ABLIM1: variants seen among roughly 807,000 people sequenced by gnomAD.
ABLIM1 encodes actin binding LIM protein 1, also known as actin-binding LIM protein 1.
A neutral mutation model predicts 107.0 loss-of-function variants in ABLIM1; 40 were observed. That is an observed-to-expected ratio of 0.37 (90% confidence interval 0.29 to 0.49). ABLIM1 has a LOEUF of 0.49. Ranked by LOEUF, ABLIM1 falls within the 20% of genes least tolerant of loss-of-function variation. ABLIM1 has a pLI of 0.97. For synonymous variants in ABLIM1, 357 were observed against 357.3 expected, an observed-to-expected ratio of 1.00 and a Z score of 0.01; for missense variants, 857 against 1,008.5, an observed-to-expected ratio of 0.85 and a Z score of 2.04.
intron 3 of ABLIM1, among the ~76,000 whole-genome samples, chr10:114,575,210 C>T (rs2072341735): frequency 6.6e-6 from 1 of 152,186 alleles, no homozygotes; most frequent in African/African-American, 2.4e-5. Context: ...AAAAATCAGT[C>T]ATATTACTTT....
chr10:114,573,514 A>T (rs2072014585), intron 3 of ABLIM1, among the ~76,000 whole-genome samples: 2 of 152,134 alleles, frequency 1.3e-5, no homozygotes, highest in South Asian at 4.1e-4. Context: ...CAAAGCAATG[A>T]CCTCTCAGGG....
intron 2 of ABLIM1, among the ~76,000 whole-genome samples, chr10:114,576,384 G>T (rs372065097): frequency 2.0e-5 from 3 of 152,290 alleles, no homozygotes; most frequent in East Asian, 3.9e-4. Context: ...ATCTCTCTCT[G>T]CCAAATGGCT....
intron 1 of ABLIM1, among the ~76,000 whole-genome samples, chr10:114,626,770 A>G (rs928098613): frequency 2.0e-5 from 3 of 152,180 alleles, no homozygotes; most frequent in Middle Eastern, 3.2e-3. Context: ...GGGTCTTTAC[A>G]GTGGTGACCA....
Position 114,658,249 on chromosome 10 carries a change from G to A in ABLIM1, c.-49C>T, listed in dbSNP as rs74530378. 5.5e-4 allele frequency: 862 copies of A among 1,564,028 alleles called. 10 individuals are homozygous for A. In the East Asian group the frequency reaches 0.017, roughly 30 times the overall value. On this transcript the variant is annotated 5_prime_UTR_variant, in exon 1 of 23. Transcript: ENST00000533213. ...GAGAAATGGGGAGTGGGGACCCAAG[G>A]AGCGGTGCTGCCCCACAATTCTCTC...
At chr10:114,598,761 AAATT>A (rs1243169156) in intron 2 of ABLIM1, among the ~76,000 whole-genome samples, 1 of 152,218 alleles carries the variant, frequency 6.6e-6, no homozygotes, top group Non-Finnish European at 1.5e-5. Context: ...ATTTTAATGA[AAATT>A]AACTACACCT....
chr10:114,739,200 G>C (rs2082241316), intron 1 of ABLIM1, among the ~76,000 whole-genome samples: 1 of 152,166 alleles, frequency 6.6e-6, no homozygotes, highest in Non-Finnish European at 1.5e-5. Context: ...TTACAAATTA[G>C]TCTACAGACA....
At chr10:114,575,699 A>G (rs202060713) in intron 2 of ABLIM1, 100 bp from the exon 3 acceptor site, 68 of 837,436 alleles carry the variant, frequency 8.1e-5, no homozygotes, top group Non-Finnish European at 9.6e-5. Context: ...TGTGATCTCA[A>G]TGGTTTGGGG....
upstream of ABLIM1, among the ~76,000 whole-genome samples, chr10:114,769,809 G>A (rs2083001330): frequency 6.6e-6 from 1 of 152,050 alleles, no homozygotes. Flanking sequence ...GATTTGTAAT[G>A]GGAATAGAAA....
chr10:114,789,370 C>T, the ABLIM1 span, among the ~76,000 whole-genome samples: 1 of 152,222 alleles, frequency 6.6e-6, no homozygotes, highest in African/African-American at 2.4e-5. Flanking sequence ...GTCCAAGCAT[C>T]TTAATAGGCA....
intron 1 of ABLIM1, among the ~76,000 whole-genome samples, chr10:114,675,192 G>A (rs2080427844): frequency 6.6e-6 from 1 of 151,988 alleles, no homozygotes; most frequent in Non-Finnish European, 1.5e-5. Flanking sequence ...CCATGTTGAT[G>A]ACTCCCAAGC....
chr10:114,481,943 C>T (rs568020852), intron 8 of ABLIM1, among the ~76,000 whole-genome samples: 53 of 152,220 alleles, frequency 3.5e-4, no homozygotes, highest in African/African-American at 1.2e-3. Context: ...GGTATTTGTT[C>T]GGTATATTAT....
chr10:114,658,034 G>A lies in ABLIM1; in HGVS notation c.167C>T (p.Thr56Ile). 1 of 1,614,204 alleles carries A rather than the reference G, an allele frequency of 6.2e-7. No individual in the cohort carries two copies. Among genetic ancestry groups the A allele is most frequent in the Non-Finnish European group, 8.5e-7 (1 of 1,180,030 alleles). ...GTSFTAHRRA[T>I]ITHLLYLCPK... ...ACAGAGATACAGCAAATGAGTGATA[G>A]TGGCACGCCTATGAGCGGTGAAGGA... Residue 56 changes from threonine (T) to isoleucine (I), a missense_variant, in exon 1 of 23, where the codon ACT becomes ATT. Transcript: ENST00000533213.
At chr10:114,788,152 ACC>A in the ABLIM1 span, among the ~76,000 whole-genome samples, 1 of 151,422 alleles carries the variant, frequency 6.6e-6, no homozygotes, top group Non-Finnish European at 1.5e-5. Flanking sequence ...AAGAGTCATC[ACC>A]ACTCCCTAAT....
chr10:114,566,766 TGGCCG>T (rs1249257824), intron 4 of ABLIM1, among the ~76,000 whole-genome samples: 1 of 152,186 alleles, frequency 6.6e-6, no homozygotes, highest in African/African-American at 2.4e-5. Context: ...CTAATGATTT[TGGCCG>T]GGCATGGTGG....
At chr10:114,673,740 GCAAGGAGCATCA>G (rs1314090307) in intron 1 of ABLIM1, among the ~76,000 whole-genome samples, 3 of 152,230 alleles carry the variant, frequency 2.0e-5, no homozygotes, top group Non-Finnish European at 4.4e-5. Context: ...TCAAAAGCCT[GCAAGGAGCATCA>G]CATGAGGAGG....
rs1027173668 is a variant in ABLIM1 at position 114,529,927 on chromosome 10, T to C, written c.894+15078A>G. 3.9e-5 allele frequency among the ~76,000 whole-genome samples: 6 copies of C among 152,316 alleles called. No individual in the cohort carries two copies. In the East Asian group the frequency reaches 1.2e-3, roughly 29 times the overall value. ...CTGTAATCCCAGCTACTTGGGAGGC[T>C]GAGGCAGGAGAATCCCTTGAACCCG... On this transcript the variant is annotated intron_variant, in intron 6 of 22. Coordinates refer to ENST00000533213, the MANE Select transcript of ABLIM1 (RefSeq NM_002313.7).
upstream of ABLIM1, among the ~76,000 whole-genome samples, chr10:114,771,945 AAAT>A (rs1293038251): frequency 6.6e-6 from 1 of 152,226 alleles, no homozygotes; most frequent in East Asian, 1.9e-4. Flanking sequence ...TTGATTTTTT[AAAT>A]AATTGAATAT....
In ABLIM1 at chr10:114,473,764, A is replaced by T. The variant is rs185264907; in HGVS notation, c.1119+115T>A. 332 of 773,648 alleles carry T rather than the reference A, an allele frequency of 4.3e-4. 1 individual carries two copies. In the African/African-American group the frequency reaches 4.7e-3, roughly 11 times the overall value. The allele number at this position is 773,648 out of a possible 1,614,324, so 47.9% of individuals were successfully genotyped here. On this transcript the variant is annotated intron_variant, in intron 9 of 22. Coordinates refer to ENST00000533213, the MANE Select transcript of ABLIM1 (RefSeq NM_002313.7). ...TCTACAAAAATGAAAATCAGGTCTCATAACAAAAATAGAAATCACTTTGAA... is the reference window on the plus strand; with the variant it reads ...TCTACAAAAATGAAAATCAGGTCTCTTAACAAAAATAGAAATCACTTTGAA...
At chr10:114,644,349 T>TAC (rs1591714450) in intron 1 of ABLIM1, among the ~76,000 whole-genome samples, 11 of 130,746 alleles carry the variant, frequency 8.4e-5, no homozygotes, top group Admixed American at 3.1e-4. Context: ...ATTGTATATA[T>TAC]ACATATATAT....
Sources: gnomAD v4.1 joint callset for allele counts (sites outside exome capture counted in the v4.1 genomes callset) on GRCh38, gnomAD v4.1.1 for gene constraint, MANE v1.5 for transcripts, NCBI Gene and HGNC (gene_info 2026-07-23, HGNC 2026-07-21) for gene names.